The following SYPL1 variants were observed in gnomAD, a reference collection of about 807,000 sequenced individuals.
SYPL1 encodes the protein synaptophysin like 1, also known as synaptophysin-like protein 1.
Under a neutral mutation model 23.7 loss-of-function variants are expected in SYPL1, and 6 were observed. That is an observed-to-expected ratio of 0.25 (90% CI 0.14 to 0.50). SYPL1 has a LOEUF of 0.50. Ranked by LOEUF, SYPL1 falls within the 20% of genes least tolerant of loss-of-function variation. The pLI, the probability that SYPL1 is intolerant of heterozygous loss-of-function variation, is 0.98. For synonymous variants in SYPL1, 102 were observed against 104.5 expected, an observed-to-expected ratio of 0.98 and a Z score of 0.15; for missense variants, 253 against 288.9, an observed-to-expected ratio of 0.88 and a Z score of 0.90.
chr7:106,112,052 C>T (rs1486925965), intron 1 of SYPL1, 88 bp downstream of exon 1: 1 of 1,220,234 alleles, frequency 8.2e-7, no homozygotes, highest in African/African-American at 1.6e-5. Flanking sequence ...CGCGGCAGGG[C>T]TGCGTCCCGG....
At chr7:106,107,398 T>C (rs1412731033) in intron 1 of SYPL1, among the ~76,000 whole-genome samples, 3 of 152,236 alleles carry the variant, frequency 2.0e-5, no homozygotes, top group Non-Finnish European at 4.4e-5. Flanking sequence ...TAATGTACAA[T>C]AGTAGAAAAT....
Position 106,091,739 on chromosome 7 carries a change from T to G in SYPL1, c.*66A>C. 6.6e-7 allele frequency: 1 copy of G among 1,503,994 alleles called. No individual in the cohort carries two copies. The highest frequency in any genetic ancestry group is 1.4e-5 in the South Asian group (1 of 73,884). 93.2% of individuals were successfully genotyped at this position (1,503,994 alleles called of 1,614,324 possible). On this transcript the variant is annotated 3_prime_UTR_variant, in exon 5 of 5. Coordinates refer to ENST00000455385, the MANE Select transcript of SYPL1 (RefSeq NM_182715.4). This position sits in a 1 kb window ranked among gnomAD's most constrained non-coding sequence, Gnocchi z 5.0. ...ACTTTTATTAGAAACAAATAATGCTTCTCAAGGTGTTGGCAACATGTCATA... is the reference window on the plus strand; with the variant it reads ...ACTTTTATTAGAAACAAATAATGCTGCTCAAGGTGTTGGCAACATGTCATA...
chr7:106,093,402 A>G, intron 3 of SYPL1: 1 of 365,196 alleles, frequency 2.7e-6, no homozygotes, highest in Non-Finnish European at 4.9e-6. Context: ...AGTTTTATAC[A>G]GCCTTCAACA....
At chr7:106,112,317 G>A, upstream of SYPL1, 1 of 1,301,760 alleles carries the variant, frequency 7.7e-7, no homozygotes. Context: ...TGGCGCGCTG[G>A]CCGGGCTCGG....
At position 106,094,889 on chromosome 7, in the gene SYPL1, T is replaced by G. The variant is rs536416231; in HGVS notation, c.403-1752A>C. On this transcript the variant is annotated intron_variant, in intron 3 of 4. Transcript: ENST00000455385. The stretch of plus-strand genomic sequence containing the variant: ...AAATGATGCACAAAGTAACCTAGGT[T>G]GAAGGAACGTGGGGGGAATTCTGGT... 2.0e-5 allele frequency among the ~76,000 whole-genome samples: 3 copies of G among 152,158 alleles called. No individual in the cohort carries two copies. In the East Asian group the frequency reaches 5.8e-4, roughly 29 times the overall value.
chr7:106,111,890 T>C, intron 1 of SYPL1: 2 of 238,690 alleles, frequency 8.4e-6, no homozygotes. Context: ...GGAGCTCCGG[T>C]GTGGGAGGGT....
At chr7:106,102,509 T>C (rs1394234171) in intron 1 of SYPL1, among the ~76,000 whole-genome samples, 1 of 152,174 alleles carries the variant, frequency 6.6e-6, no homozygotes, top group African/African-American at 2.4e-5. Flanking sequence ...ACTCACATGG[T>C]GTGGAATTGA....
chr7:106,093,539 C>G, intron 3 of SYPL1, among the ~76,000 whole-genome samples: 1 of 128,940 alleles, frequency 7.8e-6, no homozygotes, highest in Non-Finnish European at 1.8e-5. Flanking sequence ...AGCTCACTGT[C>G]TCTGGCACCC....
rs1334302379 is a variant in SYPL1 at position 106,091,962 on chromosome 7, T to A, written c.592-23A>T. Reference sequence around the variant, plus strand: ...TATCTATGAAAGAGAAAAAGAAATATGAAAATCAAATACCTACTTATAAAA... The same window carrying A: ...TATCTATGAAAGAGAAAAAGAAATAAGAAAATCAAATACCTACTTATAAAA... On this transcript the variant is annotated intron_variant, in intron 4 of 4. Transcript: ENST00000455385. This position sits in a 1 kb window ranked among gnomAD's most constrained non-coding sequence, Gnocchi z 5.0. 1 of 1,584,108 alleles carries A rather than the reference T, an allele frequency of 6.3e-7. No individual in the cohort carries two copies.
chr7:106,110,508 C>T (rs920659975), intron 1 of SYPL1, among the ~76,000 whole-genome samples: 2 of 152,110 alleles, frequency 1.3e-5, no homozygotes, highest in Non-Finnish European at 2.9e-5. Context: ...GAGAAAAAGA[C>T]CATGTTTTAT....
At chr7:106,099,071 C>G in intron 2 of SYPL1, 87 bp downstream of exon 2, 1 of 1,521,100 alleles carries the variant, frequency 6.6e-7, no homozygotes. Flanking sequence ...TTTTCTACCC[C>G]CCACAATCAA....
In SYPL1 at chr7:106,096,525, G is replaced by A. The variant is rs176489; in HGVS notation, c.402+1165C>T. ...GACTTTGTAGTTACTCTTTTATAGT[G>A]GAGGTGTAGCTTAAAACCATGATTT... On this transcript the variant is annotated intron_variant, in intron 3 of 4. Coordinates refer to ENST00000455385, the MANE Select transcript of SYPL1 (RefSeq NM_182715.4). The surrounding 1 kb of genome is among the most constrained non-coding windows in gnomAD (Gnocchi z 4.4). Among the ~76,000 whole-genome samples the A allele has an allele frequency of 0.2, 31,129 of 152,058 alleles. 3,634 individuals carry two copies. The highest frequency in any genetic ancestry group is 0.28 in the South Asian group (1,330 of 4,818).
intron 1 of SYPL1, among the ~76,000 whole-genome samples, chr7:106,111,009 T>C (rs1790117040): frequency 6.6e-6 from 1 of 152,356 alleles, no homozygotes; most frequent in South Asian, 2.1e-4. Flanking sequence ...GTATATTTAT[T>C]TATGCGTCTT....
chr7:106,102,465 C>G (rs1840379066), intron 1 of SYPL1, among the ~76,000 whole-genome samples: 1 of 152,144 alleles, frequency 6.6e-6, no homozygotes, highest in African/African-American at 2.4e-5. Context: ...AAGCCAGTGG[C>G]CATGTTGGGA....
rs176493 is a variant in SYPL1, at chr7:106,100,676, T to A, written c.70-1394A>T. On this transcript the variant is annotated intron_variant, in intron 1 of 4. Transcript: ENST00000455385. The surrounding 1 kb of genome is among the most constrained non-coding windows in gnomAD (Gnocchi z 5.1). ...TACTGCCTCCTGATCTGAACTACCA[T>A]CACCTTTTGCCTGAATTTTGCACTA... is the stretch of plus-strand genomic sequence containing the variant. Among the ~76,000 whole-genome samples the A allele has an allele frequency of 0.2, 31,141 of 152,164 alleles. 3,640 individuals carry two copies. Among genetic ancestry groups the A allele is most frequent in the South Asian group, 0.28 (1,330 of 4,820 alleles).
In SYPL1 at chr7:106,112,226, G is replaced by GA; in HGVS notation, c.-19dup. The GA allele has an allele frequency of 6.5e-7, 1 of 1,534,032 alleles. No homozygotes were observed. Among genetic ancestry groups the GA allele is most frequent in the African/African-American group, 1.4e-5 (1 of 71,004 alleles). On this transcript the variant is annotated 5_prime_UTR_variant, in exon 1 of 5. Coordinates refer to ENST00000455385, the MANE Select transcript of SYPL1 (RefSeq NM_182715.4). Reference sequence around the variant, plus strand: ...CCGGACATCCTCTGAGGAAAGGAGGGAGAGAGAGTCAGGACGACGGGGCGG... The same window carrying GA: ...CCGGACATCCTCTGAGGAAAGGAGGGAAGAGAGAGTCAGGACGACGGGGCGG...
At chr7:106,110,521 A>C (rs176500) in intron 1 of SYPL1, among the ~76,000 whole-genome samples, 31,246 of 152,204 alleles carry the variant, frequency 0.21, 3,676 homozygotes, top group South Asian at 0.28. Flanking sequence ...TGTTTTATTC[A>C]TGTGGTATGC....
chr7:106,094,029 CA>C (rs1563338664), intron 3 of SYPL1, among the ~76,000 whole-genome samples: 1 of 151,994 alleles, frequency 6.6e-6, no homozygotes, highest in Non-Finnish European at 1.5e-5. Context: ...AATTAATGAC[CA>C]GGGTAGGAAT....
At position 106,112,189 on chromosome 7, in the gene SYPL1, T is replaced by C; in HGVS notation, c.20A>G (p.Asn7Ser). 6.5e-7 allele frequency: 1 copy of C among 1,542,148 alleles called. No individual in the cohort carries two copies. Among genetic ancestry groups the C allele is most frequent in the Non-Finnish European group, 8.8e-7 (1 of 1,136,770 alleles). The stretch of plus-strand genomic sequence containing the variant: ...GAGTGGCTCCTTGAGCGGGTTGAGG[T>C]TGATCTGGAAGCCGGACATCCTCTG... Reference protein sequence around the residue: MSGFQINLNPLKEPLGF... With the variant: MSGFQISLNPLKEPLGF... The change falls in exon 1 of 5, where the codon AAC becomes AGC. Residue 7 changes from asparagine to serine, a missense_variant. Physicochemically the swap from Asn to Ser is conservative, Grantham distance 46. Coordinates refer to ENST00000455385, the MANE Select transcript of SYPL1 (RefSeq NM_182715.4).
Sources: gnomAD v4.1 joint callset for allele counts (sites outside exome capture counted in the v4.1 genomes callset) on GRCh38, gnomAD v4.1.1 for gene constraint, Gnocchi (gnomAD v3.1) non-coding constraint, MANE v1.5 for transcripts, NCBI Gene and HGNC (gene_info 2026-07-23, HGNC 2026-07-21) for gene names.